ZMAT4: variants seen among roughly 807,000 people sequenced by gnomAD.
ZMAT4 encodes the protein zinc finger matrin-type 4.
In ZMAT4, 17 loss-of-function variants were observed where a neutral mutation model predicts 28.7. The observed-to-expected ratio is 0.59, with a 90% CI of 0.41 to 0.89. The LOEUF (loss-of-function observed/expected upper bound fraction) is 0.89. Ranked by LOEUF, ZMAT4 falls within the 40% of genes least tolerant of loss-of-function variation. The probability of loss-of-function intolerance (pLI) is 0.00; values close to 1 mark genes in which losing one functional copy is unlikely to be tolerated. For missense variants in ZMAT4, 240 were observed against 283.8 expected (o/e 0.85, Z 1.11); for synonymous variants, 117 against 109.2 (o/e 1.07, Z -0.44).
In ZMAT4 at chr8:40,758,735, ACCC is replaced by A. The variant is rs1173607821; in HGVS notation, c.192+8903_192+8905del. Among the ~76,000 whole-genome samples, 95 of 152,268 alleles carry A rather than the reference ACCC, an allele frequency of 6.2e-4. No individual in the cohort carries two copies. The South Asian group carries it at 0.019, about 30-fold the overall frequency. On this transcript the variant is annotated intron_variant, in intron 3 of 6. Coordinates refer to ENST00000297737, the MANE Select transcript of ZMAT4 (RefSeq NM_024645.3). Reference sequence around the variant, plus strand: ...GATCTTGGGAATAAATAGGATTTTGACCCTTCAGAGTTGGATGGTGACAGTGCT... The same window carrying A: ...GATCTTGGGAATAAATAGGATTTTGATTCAGAGTTGGATGGTGACAGTGCT...
intron 5 of ZMAT4, among the ~76,000 whole-genome samples, chr8:40,617,344 C>A (rs946903974): frequency 2.6e-5 from 4 of 152,126 alleles, no homozygotes; most frequent in Non-Finnish European, 5.9e-5. Flanking sequence ...CAATCAGTGC[C>A]CCAAGGCTAG....
intron 1 of ZMAT4, among the ~76,000 whole-genome samples, chr8:40,880,244 C>T: frequency 6.6e-6 from 1 of 151,708 alleles, no homozygotes. Context: ...TGGCACATGC[C>T]TGTAATCCCA....
intron 2 of ZMAT4, among the ~76,000 whole-genome samples, chr8:40,804,666 C>A (rs1008530654): frequency 6.6e-6 from 1 of 151,792 alleles, no homozygotes; most frequent in Non-Finnish European, 1.5e-5. Flanking sequence ...ATGGAGAAAC[C>A]AGGTCTCTCT....
intron 2 of ZMAT4, among the ~76,000 whole-genome samples, chr8:40,779,806 AGT>A (rs1208555473): frequency 2.6e-5 from 4 of 152,124 alleles, no homozygotes; most frequent in Non-Finnish European, 5.9e-5. Context: ...AACCAGACTG[AGT>A]GAGCTGTCTT....
chr8:40,827,733 C>T (rs181015839), intron 1 of ZMAT4, among the ~76,000 whole-genome samples: 39 of 152,344 alleles, frequency 2.6e-4, no homozygotes, highest in African/African-American at 8.9e-4. Context: ...AAGGACCACA[C>T]CTGGCAGGTG....
At chr8:40,618,055 T>C (rs1276182932) in intron 5 of ZMAT4, among the ~76,000 whole-genome samples, 1 of 152,208 alleles carries the variant, frequency 6.6e-6, no homozygotes, top group African/African-American at 2.4e-5. Context: ...ACTAGCTGGA[T>C]GTATGAGTTG....
chr8:40,690,886 A>G (rs758955753), intron 4 of ZMAT4: 1 of 984,564 alleles, frequency 1.0e-6, no homozygotes, highest in South Asian at 4.7e-5. Flanking sequence ...CACACTTACA[A>G]TACATGCAAT....
At chr8:40,795,169 G>A (rs1424746970) in intron 2 of ZMAT4, among the ~76,000 whole-genome samples, 1 of 152,064 alleles carries the variant, frequency 6.6e-6, no homozygotes, top group Non-Finnish European at 1.5e-5. Flanking sequence ...CCCTTACCTT[G>A]AAAGCCCTAA....
At chr8:40,676,772 C>G (rs1460947077) in intron 4 of ZMAT4, among the ~76,000 whole-genome samples, 1 of 152,122 alleles carries the variant, frequency 6.6e-6, no homozygotes, top group Non-Finnish European at 1.5e-5. Flanking sequence ...GACTCACAAA[C>G]AGTACGCCCC....
rs557095112 is a variant in ZMAT4 at position 40,683,060 on chromosome 8, G to T, written c.350-8129C>A. On this transcript the variant is annotated intron_variant, in intron 4 of 6. Coordinates refer to ENST00000297737, the MANE Select transcript of ZMAT4 (RefSeq NM_024645.3). ...CATGAGGCAAGGATTTTTATCCTTT[G>T]TTTACTGATAGATTCCAGGTACCTA... is the stretch of plus-strand genomic sequence containing the variant. 1.6e-4 allele frequency among the ~76,000 whole-genome samples: 25 copies of T among 152,288 alleles called. 1 individual carries two copies. In the South Asian group the frequency reaches 5.2e-3, roughly 32 times the overall value.
chr8:40,649,388 A>G (rs1033418606), intron 5 of ZMAT4, among the ~76,000 whole-genome samples: 1 of 152,228 alleles, frequency 6.6e-6, no homozygotes, highest in Non-Finnish European at 1.5e-5. Context: ...TCATAAATAT[A>G]TATGCACCCA....
At chr8:40,720,259 T>C (rs1409661762) in intron 3 of ZMAT4, among the ~76,000 whole-genome samples, 2 of 152,164 alleles carry the variant, frequency 1.3e-5, no homozygotes, top group African/African-American at 4.8e-5. Context: ...AGCACTATTA[T>C]TGAGTATGAA....
At chr8:40,567,815 A>G (rs1007746866) in intron 6 of ZMAT4, among the ~76,000 whole-genome samples, 25 of 152,328 alleles carry the variant, frequency 1.6e-4, no homozygotes, top group African/African-American at 6.0e-4. Flanking sequence ...TCTGTCATGC[A>G]TAGACATCAT....
intron 5 of ZMAT4, among the ~76,000 whole-genome samples, chr8:40,665,237 CAAAA>C (rs67794891): frequency 7.7e-6 from 1 of 129,804 alleles, no homozygotes; most frequent in African/African-American, 2.9e-5. Flanking sequence ...AACACACACA[CAAAA>C]AAAACAAAAA....
intron 5 of ZMAT4, among the ~76,000 whole-genome samples, chr8:40,605,802 T>C (rs1263617297): frequency 6.6e-6 from 1 of 152,198 alleles, no homozygotes; most frequent in African/African-American, 2.4e-5. Flanking sequence ...GTCTATCTCA[T>C]TTCTTAGATC....
intron 6 of ZMAT4, among the ~76,000 whole-genome samples, chr8:40,564,483 T>C (rs1032319377): frequency 1.3e-5 from 2 of 152,158 alleles, no homozygotes; most frequent in Non-Finnish European, 1.5e-5. Flanking sequence ...TATTTGTCAT[T>C]TGCACATCTC....
At chr8:40,825,823 A>G (rs375552293) in intron 1 of ZMAT4, 143 bp from the exon 2 acceptor site, 7 of 602,070 alleles carry the variant, frequency 1.2e-5, no homozygotes, top group Non-Finnish European at 2.0e-5. Flanking sequence ...TCTTGACGTT[A>G]TCATATCGAT....
chr8:40,642,428 A>T (rs997237232), intron 5 of ZMAT4, among the ~76,000 whole-genome samples: 1 of 152,242 alleles, frequency 6.6e-6, no homozygotes, highest in Non-Finnish European at 1.5e-5. Context: ...ACACATACAC[A>T]GTCAATGTGG....
At chr8:40,850,386 C>A (rs369511416) in intron 1 of ZMAT4, among the ~76,000 whole-genome samples, 60 of 152,244 alleles carry the variant, frequency 3.9e-4, no homozygotes, top group African/African-American at 1.4e-3. Flanking sequence ...TACAGCGAGC[C>A]CCCATCTGCA....
Sources: gnomAD v4.1 joint callset for allele counts (sites outside exome capture counted in the v4.1 genomes callset) on GRCh38, gnomAD v4.1.1 for gene constraint, MANE v1.5 for transcripts, NCBI Gene and HGNC (gene_info 2026-07-23, HGNC 2026-07-21) for gene names.